Variants in MED12L observed in about 807,000 individuals in gnomAD.
The protein encoded by MED12L is mediator complex subunit 12L.
Under a neutral mutation model 281.3 loss-of-function variants are expected in MED12L, and 60 were observed. That is an observed-to-expected ratio of 0.21 (90% confidence interval 0.17 to 0.26). The LOEUF is 0.26. Among genes scored for constraint, MED12L ranks in the 10% least tolerant of loss-of-function variants. The pLI, the probability that MED12L is intolerant of heterozygous loss-of-function variation, is 1.00. For missense variants in MED12L, 2,146 were observed against 2,680.9 expected, an observed-to-expected ratio of 0.80 and a Z score of 4.41; for synonymous variants, 974 against 987.2, an observed-to-expected ratio of 0.99 and a Z score of 0.25.
chr3:151,127,406 G>A (rs900245414), intron 4 of MED12L, among the ~76,000 whole-genome samples: 1 of 152,096 alleles, frequency 6.6e-6, no homozygotes, highest in Non-Finnish European at 1.5e-5. Flanking sequence ...AAAGGTCCTG[G>A]ATAAAATATA....
chr3:151,095,798 C>G (rs535340524), intron 2 of MED12L, among the ~76,000 whole-genome samples: 6 of 152,154 alleles, frequency 3.9e-5, no homozygotes, highest in African/African-American at 1.4e-4. Flanking sequence ...CCCAGCTACT[C>G]TGGGGACTGA....
intron 16 of MED12L, among the ~76,000 whole-genome samples, chr3:151,297,605 TG>T (rs1204745933): frequency 6.6e-6 from 1 of 152,226 alleles, no homozygotes; most frequent in Non-Finnish European, 1.5e-5. Context: ...ACAGCATACT[TG>T]GCAGGGAATA....
chr3:151,200,087 T>G (rs1725316258), intron 16 of MED12L, among the ~76,000 whole-genome samples: 2 of 152,248 alleles, frequency 1.3e-5, no homozygotes, highest in Admixed American at 1.3e-4. Flanking sequence ...AACATCTGAC[T>G]TCAACACTTG....
chr3:151,243,655 C>A (rs1320871001), intron 16 of MED12L, among the ~76,000 whole-genome samples: 1 of 151,776 alleles, frequency 6.6e-6, no homozygotes, highest in Non-Finnish European at 1.5e-5. Context: ...CCAGCCGCTG[C>A]AAAATCATGC....
intron 16 of MED12L, among the ~76,000 whole-genome samples, chr3:151,341,014 A>AT (rs891318441): frequency 6.6e-6 from 1 of 152,146 alleles, no homozygotes; most frequent in Non-Finnish European, 1.5e-5. Context: ...GTTATTTTCT[A>AT]TGCAAATGAT....
chr3:151,138,187 T>A (rs1045148637), intron 5 of MED12L, among the ~76,000 whole-genome samples: 9 of 152,164 alleles, frequency 5.9e-5, no homozygotes, highest in African/African-American at 2.2e-4. Context: ...CCTTTTTTTT[T>A]AACTTAACAA....
intron 27 of MED12L, among the ~76,000 whole-genome samples, chr3:151,375,622 G>A (rs1404881296): frequency 1.3e-5 from 2 of 152,078 alleles, no homozygotes; most frequent in Admixed American, 6.5e-5. Context: ...GTTATACTAT[G>A]TTGTATCTAG....
intron 16 of MED12L, chr3:151,278,281 T>C (rs576092208): frequency 6.6e-6 from 1 of 152,354 alleles, no homozygotes; most frequent in Admixed American, 6.5e-5. Flanking sequence ...AAAGCTGTTT[T>C]CTTACCTGCG....
At chr3:151,257,622 A>G (rs1014302975) in intron 16 of MED12L, among the ~76,000 whole-genome samples, 1 of 152,226 alleles carries the variant, frequency 6.6e-6, no homozygotes, top group Non-Finnish European at 1.5e-5. Context: ...TGTCATCAGT[A>G]TTATTTCGTA....
intron 12 of MED12L, chr3:151,188,088 T>C (rs910763106): frequency 1.1e-4 from 23 of 208,104 alleles, no homozygotes; most frequent in African/African-American, 5.3e-4. Context: ...TTTTAGAAAT[T>C]ATATTCACCT....
intron 16 of MED12L, among the ~76,000 whole-genome samples, chr3:151,234,227 G>A (rs1732280661): frequency 6.6e-6 from 1 of 152,236 alleles, no homozygotes; most frequent in Non-Finnish European, 1.5e-5. Context: ...TATTTGCCTA[G>A]TGAAATTTTA....
chr3:151,211,681 T>A (rs1016980081), intron 16 of MED12L, among the ~76,000 whole-genome samples: 1 of 152,204 alleles, frequency 6.6e-6, no homozygotes, highest in Non-Finnish European at 1.5e-5. Context: ...AGGTTCTTGC[T>A]CTGTTGCCCA....
chr3:151,170,763 T>G (rs1388282493), intron 11 of MED12L, among the ~76,000 whole-genome samples: 1 of 152,124 alleles, frequency 6.6e-6, no homozygotes, highest in African/African-American at 2.4e-5. Flanking sequence ...GTGTGAGATA[T>G]AAAGATGGTA....
intron 16 of MED12L, chr3:151,293,984 C>T: frequency 1.7e-6 from 1 of 573,452 alleles, no homozygotes; most frequent in Middle Eastern, 4.6e-4. Context: ...TGCCATTCAC[C>T]CATACGCTAC....
chr3:151,256,202 C>T (rs1421026842), intron 16 of MED12L, among the ~76,000 whole-genome samples: 1 of 152,106 alleles, frequency 6.6e-6, no homozygotes. Context: ...CAATACATAA[C>T]TCATGGAAAG....
intron 5 of MED12L, among the ~76,000 whole-genome samples, chr3:151,147,983 C>T (rs770825721): frequency 5.3e-5 from 8 of 152,130 alleles, no homozygotes; most frequent in East Asian, 1.9e-4. Context: ...TTTATATTCC[C>T]GTGGGGAACA....
chr3:151,191,904 C>G (rs1299431382), intron 14 of MED12L, among the ~76,000 whole-genome samples: 2 of 147,778 alleles, frequency 1.4e-5, no homozygotes, highest in East Asian at 2.0e-4. Flanking sequence ...AAAACTGTCT[C>G]AAAAAAACAA....
chr3:151,156,277 C>G lies in MED12L; in HGVS notation c.673C>G (p.Gln225Glu), dbSNP rs754196139. 2 of 1,612,580 alleles carry G rather than the reference C, an allele frequency of 1.2e-6. No homozygotes were observed. The highest frequency in any genetic ancestry group is 1.7e-6 in the Non-Finnish European group (2 of 1,179,552). Reference sequence around the variant, plus strand: ...TGTCCCTGTGCCACCAGAGGTGGAGCAAGCCATGAAGCAATGGGAATACAA... The same window carrying G: ...TGTCCCTGTGCCACCAGAGGTGGAGGAAGCCATGAAGCAATGGGAATACAA... ...GPVPVPPEVE[Q>E]AMKQWEYNEK... Residue 225 changes from glutamine to glutamate, a missense_variant, in exon 6 of 45, where the codon CAA (glutamine) becomes GAA (glutamate). Around this residue, in one of 9 missense-constraint regions of MED12L, gnomAD observed 722 missense variants for 861.2 expected, o/e 0.84. Coordinates refer to ENST00000687756, the MANE Select transcript of MED12L (RefSeq NM_001393769.1).
intron 16 of MED12L, among the ~76,000 whole-genome samples, chr3:151,276,064 A>G (rs1741799738): frequency 6.6e-6 from 1 of 152,234 alleles, no homozygotes; most frequent in African/African-American, 2.4e-5. Context: ...TATACAATCA[A>G]GGACACTTTT....
Sources: allele counts gnomAD v4.1 joint callset (sites outside exome capture counted in the v4.1 genomes callset), GRCh38; gene constraint gnomAD v4.1.1; regional missense constraint gnomAD v4.1.1; transcripts MANE v1.5; gene names NCBI Gene and HGNC (gene_info 2026-07-23, HGNC 2026-07-21).